RYR2: variants seen among roughly 807,000 people sequenced by gnomAD.
RYR2 encodes cardiac muscle ryanodine receptor-calcium release channel.
A neutral mutation model predicts 601.1 loss-of-function variants in RYR2; 227 were observed. The observed-to-expected ratio is 0.38, with a 90% CI of 0.34 to 0.42. RYR2 has a LOEUF of 0.42. Among genes scored for constraint, RYR2 ranks in the 10% least tolerant of loss-of-function variants. RYR2 has a pLI of 1.00. For missense variants in RYR2, 4,646 were observed against 6,156.5 expected (o/e 0.75, Z 8.21); for synonymous variants, 2,223 against 2,175.1 (o/e 1.02, Z -0.61).
At chr1:237,353,849 C>T (rs1571946736) in intron 3 of RYR2, among the ~76,000 whole-genome samples, 1 of 151,920 alleles carries the variant, frequency 6.6e-6, no homozygotes, top group South Asian at 2.1e-4. Context: ...AAAAAATGTT[C>T]CTTTGTCTTA....
At chr1:237,786,646 A>C (rs988918334) in intron 91 of RYR2, among the ~76,000 whole-genome samples, 3 of 152,324 alleles carry the variant, frequency 2.0e-5, no homozygotes, top group African/African-American at 7.2e-5. Flanking sequence ...GGCGATGAAA[A>C]TGCATAACTC....
At chr1:237,061,979 G>A (rs1422484244) in intron 1 of RYR2, among the ~76,000 whole-genome samples, 2 of 152,248 alleles carry the variant, frequency 1.3e-5, no homozygotes, top group Non-Finnish European at 2.9e-5. Flanking sequence ...TCCAGGACTA[G>A]TTATTTAAAA....
At chr1:237,640,529 A>G (rs956870642) in intron 46 of RYR2, among the ~76,000 whole-genome samples, 1 of 152,158 alleles carries the variant, frequency 6.6e-6, no homozygotes, top group Non-Finnish European at 1.5e-5. Context: ...CTTTCTCTAC[A>G]TGTGTGCCAC....
chr1:237,138,569 A>G (rs1673057712), intron 1 of RYR2, among the ~76,000 whole-genome samples: 1 of 152,142 alleles, frequency 6.6e-6, no homozygotes. Context: ...ATTTTCTTTT[A>G]AAAGTCAGAT....
Position 237,045,078 on chromosome 1 carries a change from CA to C in RYR2, c.48+2514del, listed in dbSNP as rs1349524010. On this transcript the variant is annotated intron_variant, in intron 1 of 104. Transcript: ENST00000366574. ...GATGAAGCTGTTTTGCATAGAAAAA[CA>C]AAAACAGTCATTAAGACACCGTAAT... 4.6e-5 allele frequency among the ~76,000 whole-genome samples: 7 copies of C among 150,960 alleles called. No individual in the cohort carries two copies. In the East Asian group the frequency reaches 1.4e-3, roughly 29 times the overall value.
chr1:237,551,443 A>C (rs1247970067), intron 27 of RYR2, among the ~76,000 whole-genome samples: 1 of 144,922 alleles, frequency 6.9e-6, no homozygotes. Context: ...AGGCAGGAGA[A>C]TGGTGTGAAC....
chr1:237,583,537 A>C (rs1019228264), intron 29 of RYR2, among the ~76,000 whole-genome samples: 1 of 152,214 alleles, frequency 6.6e-6, no homozygotes, highest in African/African-American at 2.4e-5. Flanking sequence ...TATGGCACAT[A>C]GTAGGCCACA....
chr1:237,059,424 C>T lies in RYR2; in HGVS notation c.48+16855C>T, dbSNP rs116268985. On this transcript the variant is annotated intron_variant, in intron 1 of 104. Transcript: ENST00000366574. ...CTCTTTTGCTTGTTGTTCATACCAC[C>T]AGGAGTCGAGAACTCTGCATAACTT... Among the ~76,000 whole-genome samples the T allele has an allele frequency of 5.1e-3, 769 of 152,188 alleles. 11 individuals are homozygous for T. The highest frequency in any genetic ancestry group is 0.017 in the African/African-American group (711 of 41,514).
chr1:237,784,942 C>A lies in RYR2; in HGVS notation c.13230C>A (p.Val4410=). 4 of 1,602,698 alleles carry A rather than the reference C, an allele frequency of 2.5e-6. No individual in the cohort carries two copies. Among genetic ancestry groups the A allele is most frequent in the Non-Finnish European group, 3.4e-6 (4 of 1,174,396 alleles). Residue 4410 remains valine (V), a synonymous_variant, in exon 90 of 105, where the codon GTC becomes GTA. Coordinates refer to ENST00000366574, the MANE Select transcript of RYR2 (RefSeq NM_001035.3). The surrounding 1 kb of genome is among the most constrained non-coding windows in gnomAD (Gnocchi z 7.1). ...AGLSDLMSNP[V]PMPEVQEKFQ... is the part of the protein sequence containing the mutation. ...TCAGTGACCTCATGAGCAACCCAGT[C>A]CCCATGCCTGAGGTGCAGGAAAAAT... is the stretch of plus-strand genomic sequence containing the variant.
chr1:237,594,897 T>TGTTTG (rs1559084064), intron 33 of RYR2, among the ~76,000 whole-genome samples: 124 of 21,198 alleles, frequency 5.8e-3, no homozygotes, highest in Middle Eastern at 0.022. Context: ...TTTTTTTTTT[T>TGTTTG]TTTTTTTTTT....
At chr1:237,604,599 C>CA (rs1676894815) in intron 35 of RYR2, among the ~76,000 whole-genome samples, 1 of 151,956 alleles carries the variant, frequency 6.6e-6, no homozygotes, top group Admixed American at 6.6e-5. Context: ...GATAGAGACA[C>CA]AAAAAACCCT....
intron 68 of RYR2, 68 bp from the exon 69 acceptor site, chr1:237,708,790 A>G: frequency 7.3e-7 from 1 of 1,374,780 alleles, no homozygotes; most frequent in East Asian, 2.4e-5. Flanking sequence ...TACAATTGTA[A>G]TTACAATCTA....
rs919989129 is a variant in RYR2 at position 237,759,835 on chromosome 1, C to A, written c.11385C>A (p.Gly3795=). The A allele has an allele frequency of 6.2e-7, 1 of 1,611,298 alleles. No individual in the cohort carries two copies. Among genetic ancestry groups the A allele is most frequent in the Admixed American group, 1.7e-5 (1 of 59,852 alleles). ...KDVGFFQSLA[G]LMQSCSVLDL... is the part of the protein sequence containing the mutation. ...TGGGCTTCTTTCAGAGCCTGGCCGG[C>A]CTGATGCAGTCATGTAGGTAAGGAC... The change falls in exon 83 of 105, where the codon GGC becomes GGA. Residue 3795 remains glycine, a synonymous_variant. Coordinates refer to ENST00000366574, the MANE Select transcript of RYR2 (RefSeq NM_001035.3).
intron 26 of RYR2, among the ~76,000 whole-genome samples, chr1:237,550,255 C>T (rs2148109950): frequency 6.6e-6 from 1 of 152,278 alleles, no homozygotes; most frequent in South Asian, 2.1e-4. Context: ...TTGTCCTTTG[C>T]CATGTGAACG....
At chr1:237,131,305 G>A (rs917450902) in intron 1 of RYR2, among the ~76,000 whole-genome samples, 1 of 151,320 alleles carries the variant, frequency 6.6e-6, no homozygotes, top group African/African-American at 2.4e-5. Flanking sequence ...AGAAGAAAAG[G>A]CATGTACATT....
chr1:237,083,174 A>G (rs1466248037), intron 1 of RYR2, among the ~76,000 whole-genome samples: 1 of 152,204 alleles, frequency 6.6e-6, no homozygotes, highest in Non-Finnish European at 1.5e-5. Context: ...GTAGGAGGAG[A>G]AAACCCTCTA....
At chr1:237,631,152 A>T (rs776894377) in intron 41 of RYR2, among the ~76,000 whole-genome samples, 1 of 152,218 alleles carries the variant, frequency 6.6e-6, no homozygotes, top group Non-Finnish European at 1.5e-5. Context: ...AAAATTAGGA[A>T]TGATGTGTCC....
intron 1 of RYR2, among the ~76,000 whole-genome samples, chr1:237,248,293 C>CCCCCCCCCCCCCCCG (rs1687102566): frequency 1.4e-5 from 1 of 69,758 alleles, no homozygotes. Context: ...CCCCCCCCCC[C>CCCCCCCCCCCCCCCG]CCCCCCAAAA....
intron 27 of RYR2, among the ~76,000 whole-genome samples, chr1:237,561,200 C>T (rs191243150): frequency 3.9e-5 from 6 of 152,210 alleles, no homozygotes; most frequent in Admixed American, 3.3e-4. Flanking sequence ...AGTTGTTTGA[C>T]AAGGTTTGAT....
Sources: allele counts gnomAD v4.1 joint callset (sites outside exome capture counted in the v4.1 genomes callset), GRCh38; gene constraint gnomAD v4.1.1; non-coding constraint Gnocchi (gnomAD v3.1); transcripts MANE v1.5; gene names NCBI Gene and HGNC (gene_info 2026-07-23, HGNC 2026-07-21).